Variants in ATL2 observed in about 807,000 individuals in gnomAD.
The protein encoded by ATL2 is atlastin GTPase 2, also known as atlastin-2.
ATL2 carries 31 observed loss-of-function variants against 73.9 expected under a neutral mutation model. That is an observed-to-expected ratio of 0.42 (90% confidence interval 0.32 to 0.57). The LOEUF is 0.57. Ranked by LOEUF, ATL2 falls within the 20% of genes least tolerant of loss-of-function variation. The probability of loss-of-function intolerance (pLI) is 0.14; values close to 1 mark genes in which losing one functional copy is unlikely to be tolerated. For synonymous variants in ATL2, 291 were observed against 237.5 expected (o/e 1.23, Z -2.07); for missense variants, 738 against 702.6 (o/e 1.05, Z -0.57).
intron 2 of ATL2, among the ~76,000 whole-genome samples, chr2:38,335,135 C>A (rs1669278486): frequency 6.6e-6 from 1 of 151,294 alleles, no homozygotes; most frequent in Non-Finnish European, 1.5e-5. Flanking sequence ...GTCTCTCACA[C>A]TGCTGATGGA....
At chr2:38,302,314 CCAGGTGTGATGGCT>C (rs368368747) in intron 9 of ATL2, among the ~76,000 whole-genome samples, 8,859 of 151,950 alleles carry the variant, frequency 0.058, 873 homozygotes, top group African/African-American at 0.2. Context: ...GAGACAAAGG[CCAGGTGTGATGGCT>C]CACACCTGTA....
intron 2 of ATL2, among the ~76,000 whole-genome samples, chr2:38,342,751 T>A (rs1669795940): frequency 6.6e-6 from 1 of 152,118 alleles, no homozygotes; most frequent in South Asian, 2.1e-4. Flanking sequence ...TTCTAGGATA[T>A]ACTCAGACAA....
At chr2:38,373,408 T>C (rs933542687) in intron 1 of ATL2, among the ~76,000 whole-genome samples, 11 of 152,246 alleles carry the variant, frequency 7.2e-5, no homozygotes, top group African/African-American at 2.7e-4. Flanking sequence ...AGGAGTTGTA[T>C]GAATACTTTT....
intron 4 of ATL2, among the ~76,000 whole-genome samples, chr2:38,316,133 A>C (rs962027226): frequency 2.6e-5 from 4 of 152,222 alleles, no homozygotes; most frequent in Non-Finnish European, 5.9e-5. Context: ...GGTGACTCCG[A>C]AGAGAGAACA....
At chr2:38,356,164 T>G (rs1050878403) in intron 1 of ATL2, among the ~76,000 whole-genome samples, 5 of 152,128 alleles carry the variant, frequency 3.3e-5, no homozygotes, top group Admixed American at 6.5e-5. Flanking sequence ...AATATTTTTA[T>G]TTACTAACCC....
At chr2:38,319,424 C>T (rs527591898) in intron 2 of ATL2, among the ~76,000 whole-genome samples, 23 of 152,062 alleles carry the variant, frequency 1.5e-4, no homozygotes, top group East Asian at 1.4e-3. Flanking sequence ...CGTGGCAAAA[C>T]GCCATCTTTA....
chr2:38,314,064 T>C (rs546201679), intron 6 of ATL2, among the ~76,000 whole-genome samples: 1 of 152,276 alleles, frequency 6.6e-6, no homozygotes, highest in East Asian at 1.9e-4. Flanking sequence ...AATGCTGTCA[T>C]ACCGGAAAGG....
chr2:38,300,155 T>C, intron 10 of ATL2, 117 bp downstream of exon 10: 1 of 873,966 alleles, frequency 1.1e-6, no homozygotes, highest in Non-Finnish European at 1.8e-6. Context: ...TTAAGCAAAA[T>C]GTGTTTGCAT....
chr2:38,296,739 C>G (rs1488222831), intron 12 of ATL2: 3 of 1,551,536 alleles, frequency 1.9e-6, no homozygotes, highest in Non-Finnish European at 2.6e-6. Flanking sequence ...GAAATTTAGA[C>G]AAGGTTTGTT....
chr2:38,300,375 C>T (rs1030073303), intron 9 of ATL2, 47 bp from the exon 10 acceptor site: 2 of 1,308,378 alleles, frequency 1.5e-6, no homozygotes, highest in African/African-American at 1.5e-5. Context: ...TGCAATTTGG[C>T]TCCACATCCC....
chr2:38,315,183 G>A lies in ATL2; in HGVS notation c.654+101C>T, dbSNP rs1310343467. The A allele has an allele frequency of 8.5e-6, 10 of 1,177,110 alleles. No individual in the cohort carries two copies. In the East Asian group the frequency reaches 3.6e-4, roughly 42 times the overall value. The allele number at this position is 1,177,110 out of a possible 1,614,324, so 72.9% of individuals were successfully genotyped here. On this transcript the variant is annotated intron_variant, in intron 5 of 12. Transcript: ENST00000378954. ...GGAGAATCCCTTGAACTTGGGAGGG[G>A]GAGGTTGCAGTGAACCAAGATTGTG...
intron 11 of ATL2, 78 bp from the exon 12 acceptor site, chr2:38,298,653 C>T (rs1667032748): frequency 1.4e-6 from 2 of 1,461,812 alleles, no homozygotes; most frequent in Non-Finnish European, 1.8e-6. Flanking sequence ...AGTTTTTAGT[C>T]TCAGAAAGTC....
chr2:38,338,749 T>C lies in ATL2; in HGVS notation c.363+4519A>G, dbSNP rs376135195. On this transcript the variant is annotated intron_variant, in intron 2 of 12. Transcript: ENST00000378954. Reference sequence around the variant, plus strand: ...ACTAGCTTAACCAACAGGTGAAGAGTACCATTCCTAGCAGTACCACGTGAC... The same window carrying C: ...ACTAGCTTAACCAACAGGTGAAGAGCACCATTCCTAGCAGTACCACGTGAC... Among the ~76,000 whole-genome samples, 15 of 151,776 alleles carry C rather than the reference T, an allele frequency of 9.9e-5. 1 individual carries two copies. The highest frequency in any genetic ancestry group is 1.9e-4 in the Non-Finnish European group (13 of 67,952).
intron 9 of ATL2, 110 bp from the exon 10 acceptor site, chr2:38,300,438 A>T: frequency 1.5e-6 from 1 of 688,270 alleles, no homozygotes; most frequent in East Asian, 2.7e-5. Context: ...TTAAAAGTAA[A>T]TTCTAGGCTT....
chr2:38,374,002 C>T (rs184603954), intron 1 of ATL2, among the ~76,000 whole-genome samples: 359 of 152,312 alleles, frequency 2.4e-3, no homozygotes, highest in African/African-American at 8.3e-3. Flanking sequence ...AGCGATTCTC[C>T]TGCCTCAGCC....
At chr2:38,325,491 T>C (rs547481173) in intron 2 of ATL2, among the ~76,000 whole-genome samples, 1 of 151,932 alleles carries the variant, frequency 6.6e-6, no homozygotes, top group East Asian at 1.9e-4. Flanking sequence ...TCCTGAATAT[T>C]ATCTCAAAGA....
intron 1 of ATL2, among the ~76,000 whole-genome samples, chr2:38,373,994 C>T (rs1470361283): frequency 2.0e-5 from 3 of 152,126 alleles, no homozygotes; most frequent in Admixed American, 6.5e-5. Flanking sequence ...CAGGTTCAAG[C>T]GATTCTCCTG....
chr2:38,297,710 A>C (rs1285483332), intron 12 of ATL2, among the ~76,000 whole-genome samples: 2 of 152,212 alleles, frequency 1.3e-5, no homozygotes, highest in African/African-American at 4.8e-5. Context: ...AAGGCAATGA[A>C]GACCTGTCTA....
intron 2 of ATL2, among the ~76,000 whole-genome samples, chr2:38,325,701 C>T (rs1390086849): frequency 4.8e-5 from 2 of 41,608 alleles, no homozygotes; most frequent in Non-Finnish European, 8.6e-5. Context: ...CACACCAGTA[C>T]ACACACACAC....
Sources: gnomAD v4.1 joint callset for allele counts (sites outside exome capture counted in the v4.1 genomes callset) on GRCh38, gnomAD v4.1.1 for gene constraint, MANE v1.5 for transcripts, NCBI Gene and HGNC (gene_info 2026-07-23, HGNC 2026-07-21) for gene names.